Variants in TP53BP1 observed in about 807,000 individuals in gnomAD.
The protein encoded by TP53BP1 is TP53-binding protein 1.
Under a neutral mutation model 200.8 loss-of-function variants are expected in TP53BP1, and 61 were observed. The ratio of observed to expected loss-of-function variants is 0.30; its 90% CI spans 0.25 to 0.38. The LOEUF (loss-of-function observed/expected upper bound fraction) is 0.38, where lower values mean the gene tolerates loss of function less well. Among genes scored for constraint, TP53BP1 ranks in the 10% least tolerant of loss-of-function variants. The probability of loss-of-function intolerance (pLI) is 1.00; values close to 1 mark genes in which losing one functional copy is unlikely to be tolerated. For missense variants in TP53BP1, 2,144 were observed against 2,371.9 expected (o/e 0.90, Z 2.00); for synonymous variants, 822 against 844.3 (o/e 0.97, Z 0.46).
In TP53BP1 at chr15:43,456,691, T is replaced by A. The variant is rs1287660656; in HGVS notation, c.1917A>T (p.Arg639=). The A allele has an allele frequency of 6.2e-7, 1 of 1,614,004 alleles. No homozygotes were observed. Among genetic ancestry groups the A allele is most frequent in the Non-Finnish European group, 8.5e-7 (1 of 1,180,036 alleles). The change falls in exon 12 of 28, where the codon CGA becomes CGT. Residue 639 remains arginine (R), a synonymous_variant. Transcript: ENST00000382044. ...GSQAVPSPAT[R]SEALSSVLDQ... ...CTAACACACTAGAAAGTGCCTCAGATCGAGTAGCTGGTGACGGAACTGCCT... is the reference window on the plus strand; with the variant it reads ...CTAACACACTAGAAAGTGCCTCAGAACGAGTAGCTGGTGACGGAACTGCCT...
chr15:43,477,187 C>A (rs1023546467), intron 8 of TP53BP1, among the ~76,000 whole-genome samples: 2 of 151,794 alleles, frequency 1.3e-5, no homozygotes, highest in African/African-American at 4.8e-5. Context: ...GTAGTCCCAG[C>A]TACTAGGGAG....
At chr15:43,473,277 G>A (rs148812301) in intron 10 of TP53BP1, among the ~76,000 whole-genome samples, 1,887 of 152,196 alleles carry the variant, frequency 0.012, 29 homozygotes, top group African/African-American at 0.042. Flanking sequence ...CTGCTGGCTC[G>A]GGCAGCCTGC....
intron 14 of TP53BP1, among the ~76,000 whole-genome samples, chr15:43,445,311 A>G (rs2046016487): frequency 6.6e-6 from 1 of 152,144 alleles, no homozygotes; most frequent in African/African-American, 2.4e-5. Flanking sequence ...TTCCAGACAC[A>G]TCTTACTAAA....
rs2063733803 is a variant in TP53BP1, at chr15:43,413,091, G to C, written c.5305+28C>G. ...AAAAGAAAGAAGTGCCTATGTGTCAGAGCTCCCAGGGCTTCCTAAGGCCTT... is the reference window on the plus strand; with the variant it reads ...AAAAGAAAGAAGTGCCTATGTGTCACAGCTCCCAGGGCTTCCTAAGGCCTT... On this transcript the variant is annotated intron_variant, in intron 24 of 27. Coordinates refer to ENST00000382044, the MANE Select transcript of TP53BP1 (RefSeq NM_001141980.3). The C allele has an allele frequency of 1.9e-6, 3 of 1,610,044 alleles. No individual in the cohort carries two copies. In the Admixed American group the frequency reaches 5.0e-5, roughly 27 times the overall value.
At chr15:43,435,588 C>G (rs1486456206) in intron 16 of TP53BP1, among the ~76,000 whole-genome samples, 3 of 152,310 alleles carry the variant, frequency 2.0e-5, no homozygotes, top group East Asian at 3.9e-4. Flanking sequence ...AGAATATCAA[C>G]AAGCTCACAC....
At chr15:43,479,758 T>C in intron 6 of TP53BP1, 101 bp downstream of exon 6, 1 of 1,404,868 alleles carries the variant, frequency 7.1e-7, no homozygotes, top group South Asian at 1.4e-5. Context: ...ACTTAGATTA[T>C]ATTAATTTGG....
intron 12 of TP53BP1, among the ~76,000 whole-genome samples, chr15:43,448,542 A>AC: frequency 6.9e-6 from 1 of 144,826 alleles, no homozygotes; most frequent in Admixed American, 6.9e-5. Context: ...AAACAAAAAA[A>AC]TTTTTTTTTT....
At chr15:43,409,577 C>A in intron 25 of TP53BP1, 70 bp downstream of exon 25, 1 of 828,082 alleles carries the variant, frequency 1.2e-6, no homozygotes. Context: ...CCCTCCCAGG[C>A]CTCTTCTCAA....
chr15:43,439,443 G>A (rs1177576415), intron 15 of TP53BP1, among the ~76,000 whole-genome samples: 1 of 152,156 alleles, frequency 6.6e-6, no homozygotes, highest in Non-Finnish European at 1.5e-5. Context: ...GGTTGAGGCA[G>A]GAGGATCGCT....
Position 43,455,877 on chromosome 15 carries a change from T to TAC in TP53BP1, c.2716+13_2716+14dup. On this transcript the variant is annotated intron_variant, in intron 12 of 27. Coordinates refer to ENST00000382044, the MANE Select transcript of TP53BP1 (RefSeq NM_001141980.3). ...AATTTAGGTGGAGACAAGAATAATC[T>TAC]ACAATCACACTCACCACTAGAACTT... The TAC allele has an allele frequency of 6.2e-7, 1 of 1,610,788 alleles. No homozygotes were observed. The highest frequency in any genetic ancestry group is 8.5e-7 in the Non-Finnish European group (1 of 1,179,178).
At chr15:43,428,608 T>C (rs2045603365) in intron 17 of TP53BP1, among the ~76,000 whole-genome samples, 1 of 152,236 alleles carries the variant, frequency 6.6e-6, no homozygotes. Flanking sequence ...ATGATGTATC[T>C]GTTAATCTCA....
intron 1 of TP53BP1, among the ~76,000 whole-genome samples, chr15:43,505,399 A>T (rs1372790737): frequency 6.6e-6 from 1 of 152,254 alleles, no homozygotes; most frequent in African/African-American, 2.4e-5. Flanking sequence ...GCTCAGATTA[A>T]AAGAAAAGAT....
intron 11 of TP53BP1, among the ~76,000 whole-genome samples, chr15:43,468,465 T>G (rs560036455): frequency 1.7e-4 from 25 of 150,436 alleles, no homozygotes; most frequent in African/African-American, 5.6e-4. Context: ...GAGGATCACT[T>G]GAGACTGGGA....
At chr15:43,508,390 G>A (rs1240093035) in intron 1 of TP53BP1, among the ~76,000 whole-genome samples, 1 of 152,158 alleles carries the variant, frequency 6.6e-6, no homozygotes. Flanking sequence ...GGGAACAGTG[G>A]CTCACGCTTG....
Position 43,406,589 on chromosome 15 carries a change from G to C in TP53BP1, c.*794C>G, listed in dbSNP as rs550364789. On this transcript the variant is annotated 3_prime_UTR_variant, in exon 28 of 28. Coordinates refer to ENST00000382044, the MANE Select transcript of TP53BP1 (RefSeq NM_001141980.3). ...ACAAAGCCTGAAATATTTACTCTTT[G>C]ACCCTTTACAGAAAAAAACCTTGTT... is the stretch of plus-strand genomic sequence containing the variant. The C allele has an allele frequency of 7.9e-5, 36 of 455,946 alleles. No individual in the cohort carries two copies. Among genetic ancestry groups the C allele is most frequent in the South Asian group, 5.6e-4 (36 of 64,556 alleles). The allele number at this position is 455,946 out of a possible 1,614,324, so 28.2% of individuals were successfully genotyped here.
chr15:43,420,089 GTA>G (rs1566920520), intron 21 of TP53BP1, among the ~76,000 whole-genome samples: 1 of 152,154 alleles, frequency 6.6e-6, no homozygotes, highest in Non-Finnish European at 1.5e-5. Flanking sequence ...CAAATTTTCT[GTA>G]AATCATCTAA....
At chr15:43,482,120 T>G (rs2250743) in intron 4 of TP53BP1, among the ~76,000 whole-genome samples, 40,579 of 151,084 alleles carry the variant, frequency 0.27, 9,020 homozygotes, top group African/African-American at 0.61. Flanking sequence ...TCCCAGCTAC[T>G]CAGGAGGCTG....
chr15:43,460,190 T>C (rs933532462), intron 11 of TP53BP1, among the ~76,000 whole-genome samples: 84 of 152,204 alleles, frequency 5.5e-4, no homozygotes, highest in African/African-American at 2.0e-3. Context: ...ATTTAGTGTG[T>C]TATTTTGCCT....
intron 17 of TP53BP1, among the ~76,000 whole-genome samples, chr15:43,429,860 C>A (rs1170753946): frequency 6.6e-6 from 1 of 152,182 alleles, no homozygotes; most frequent in Non-Finnish European, 1.5e-5. Context: ...CCTGCCTGCA[C>A]ACACAATCAG....
Sources: gnomAD v4.1 joint callset for allele counts (sites outside exome capture counted in the v4.1 genomes callset) on GRCh38, gnomAD v4.1.1 for gene constraint, MANE v1.5 for transcripts, NCBI Gene and HGNC (gene_info 2026-07-23, HGNC 2026-07-21) for gene names.